Variants in YLPM1 observed in about 807,000 individuals in gnomAD.
YLPM1 encodes the protein YLP motif containing 1.
A neutral mutation model predicts 230.0 loss-of-function variants in YLPM1; 99 were observed. The observed-to-expected ratio is 0.43, with a 90% CI of 0.37 to 0.51. YLPM1 has a LOEUF of 0.51. YLPM1 is among the 20% of genes least tolerant of loss of function. YLPM1 has a pLI of 0.00. For synonymous variants in YLPM1, 984 were observed against 942.5 expected (o/e 1.04, Z -0.81); for missense variants, 2,592 against 2,707.7 (o/e 0.96, Z 0.95).
chr14:74,835,153 A>T, intron 19 of YLPM1, 112 bp from the exon 20 acceptor site: 1 of 1,361,646 alleles, frequency 7.3e-7, no homozygotes, highest in Non-Finnish European at 9.9e-7. Flanking sequence ...TTAATTTTTT[A>T]AACTTGCGGT....
chr14:74,793,117 T>G (rs960316899), intron 4 of YLPM1, among the ~76,000 whole-genome samples: 2 of 152,222 alleles, frequency 1.3e-5, no homozygotes, highest in Non-Finnish European at 1.5e-5. Flanking sequence ...AAAAAATCTC[T>G]GGTATTCTGA....
intron 19 of YLPM1, 142 bp from the exon 20 acceptor site, chr14:74,835,123 C>T: frequency 9.4e-7 from 1 of 1,060,192 alleles, no homozygotes; most frequent in Non-Finnish European, 1.3e-6. Context: ...TGGCTTTTCC[C>T]AGTTTTCCTG....
chr14:74,765,255 A>G (rs978825259), intron 1 of YLPM1, among the ~76,000 whole-genome samples: 1 of 152,214 alleles, frequency 6.6e-6, no homozygotes, highest in Admixed American at 6.5e-5. Flanking sequence ...TGATTTCCTA[A>G]AGTAGACACT....
chr14:74,827,826 G>C (rs2091577545), intron 18 of YLPM1: 1 of 985,188 alleles, frequency 1.0e-6, no homozygotes, highest in African/African-American at 1.7e-5. Flanking sequence ...CAGTCAGGGG[G>C]TCACTTCTTT....
chr14:74,783,582 T>C (rs951674758), intron 4 of YLPM1, among the ~76,000 whole-genome samples: 1 of 152,206 alleles, frequency 6.6e-6, no homozygotes, highest in African/African-American at 2.4e-5. Context: ...TTATAACTTA[T>C]TTTTCCACCA....
rs954412463 is a variant in YLPM1, at chr14:74,809,794, C to T, written c.4936C>T (p.Arg1646Ter). 4 of 1,613,568 alleles carry T rather than the reference C, an allele frequency of 2.5e-6. No homozygotes were observed. The highest frequency in any genetic ancestry group is 1.7e-5 in the Admixed American group (1 of 59,938). ...VQQTVDYGHG[R>*]DISTNKVEQI... ...ACAGACTGTTGATTATGGCCATGGC[C>T]GAGGTGAGTAATGATAGTGCACTTG... The change falls in exon 7 of 21, where the codon CGA becomes TGA. Residue 1646 changes from arginine to a stop codon, truncating the protein, a stop_gained. Coordinates refer to ENST00000325680, the MANE Select transcript of YLPM1 (RefSeq NM_019589.3). LOFTEE classifies it high-confidence loss of function.
In YLPM1 at chr14:74,817,293, A is replaced by G. The variant is rs1477043420; in HGVS notation, c.5946+16A>G. The G allele has an allele frequency of 8.4e-6, 13 of 1,556,812 alleles. No homozygotes were observed. The highest frequency in any genetic ancestry group is 1.2e-5 in the South Asian group (1 of 84,028). On this transcript the variant is annotated intron_variant, in intron 15 of 20. Transcript: ENST00000325680. The stretch of plus-strand genomic sequence containing the variant: ...AATAAATAAGGTGATTTTAAGAAAC[A>G]TAGAATAATAGAGTACTATCATGCG...
chr14:74,776,277 A>T (rs2140081014), intron 1 of YLPM1, among the ~76,000 whole-genome samples: 1 of 152,364 alleles, frequency 6.6e-6, no homozygotes, highest in East Asian at 1.9e-4. Flanking sequence ...TCGGGGAAAT[A>T]CAGGGTTAGG....
Position 74,781,911 on chromosome 14 carries a change from C to A in YLPM1, c.1868C>A (p.Pro623Gln). 6.2e-7 allele frequency: 1 copy of A among 1,613,866 alleles called. No individual in the cohort carries two copies. Among genetic ancestry groups the A allele is most frequent in the Non-Finnish European group, 8.5e-7 (1 of 1,179,850 alleles). Residue 623 changes from proline to glutamine, a missense_variant, in exon 4 of 21, where the codon CCA (proline) becomes CAA (glutamine). By Grantham distance (76) the Pro-to-Gln change is moderately conservative. Transcript: ENST00000325680. ...TAPPPVMPLPPLSSATPPPGI... is the reference protein window; with the variant it reads ...TAPPPVMPLPQLSSATPPPGI... Reference sequence around the variant, plus strand: ...CCTCCACCTGTCATGCCCCTCCCACCATTGTCTTCAGCTACACCTCCTCCA... The same window carrying A: ...CCTCCACCTGTCATGCCCCTCCCACAATTGTCTTCAGCTACACCTCCTCCA...
chr14:74,789,407 G>C (rs2091183108), intron 4 of YLPM1, among the ~76,000 whole-genome samples: 1 of 151,850 alleles, frequency 6.6e-6, no homozygotes. Context: ...AGTACAGATG[G>C]GGTTTCACTG....
rs1316807666 is a variant in YLPM1, at chr14:74,782,126, T to G, written c.2083T>G (p.Ser695Ala). 4 of 1,613,802 alleles carry G rather than the reference T, an allele frequency of 2.5e-6. No homozygotes were observed. The highest frequency in any genetic ancestry group is 3.4e-6 in the Non-Finnish European group (4 of 1,179,834). Residue 695 changes from serine to alanine, a missense_variant, in exon 4 of 21, where the codon TCA becomes GCA. This residue lies in a region of YLPM1 where 1,862 missense variants were observed against 1,819.8 expected (regional missense o/e 1.02). Coordinates refer to ENST00000325680, the MANE Select transcript of YLPM1 (RefSeq NM_019589.3). ...YHPPLQSAGP[S>A]EQVNSKAPLS... ...TCCTCCGTTGCAATCAGCTGGTCCA[T>G]CAGAACAAGTGAATTCAAAAGCTCC...
At chr14:74,772,135 T>C (rs1044753436) in intron 1 of YLPM1, among the ~76,000 whole-genome samples, 1 of 152,080 alleles carries the variant, frequency 6.6e-6, no homozygotes, top group Non-Finnish European at 1.5e-5. Flanking sequence ...GTTCTCCACT[T>C]GGAAAATCAT....
At position 74,778,547 on chromosome 14, in the gene YLPM1, A is replaced by G; in HGVS notation, c.974A>G (p.Asp325Gly). 6.2e-7 allele frequency: 1 copy of G among 1,607,688 alleles called. No individual in the cohort carries two copies. Among genetic ancestry groups the G allele is most frequent in the Non-Finnish European group, 8.5e-7 (1 of 1,177,106 alleles). ...GHKKGPVVAK[D>G]TPEPVKEEVT... ...AAAAAGGGTCCTGTGGTAGCAAAGG[A>G]TACACCAGAGCCGGTAAAAGAAGAA... The change falls in exon 2 of 21, where the codon GAT becomes GGT. Residue 325 changes from aspartate (D) to glycine (G), a missense_variant. By Grantham distance (94) the Asp-to-Gly change is moderately conservative (BLOSUM62 -1). Transcript: ENST00000325680.
At position 74,829,235 on chromosome 14, in the gene YLPM1, T is replaced by C. The variant is rs750508359; in HGVS notation, c.6186T>C (p.Thr2062=). 1.2e-6 allele frequency: 2 copies of C among 1,613,218 alleles called. No homozygotes were observed. The highest frequency in any genetic ancestry group is 3.3e-5 in the Admixed American group (2 of 59,970). ...CAGACAAGTTGGATGGCTTGAGGAC[T>C]GGTACTAAAAGGAAACGTGACTGGG... ...AKLDKLDGLR[T]GTKRKRDWEA... The change falls in exon 19 of 21, where the codon ACT becomes ACC. Residue 2062 remains threonine, a synonymous_variant. Coordinates refer to ENST00000325680, the MANE Select transcript of YLPM1 (RefSeq NM_019589.3).
intron 6 of YLPM1, among the ~76,000 whole-genome samples, chr14:74,808,133 C>T (rs2091396900): frequency 6.6e-6 from 1 of 152,216 alleles, no homozygotes. Context: ...AAGATCACTG[C>T]ACCAGTTTAC....
At chr14:74,796,983 T>G (rs2091268255) in intron 4 of YLPM1, among the ~76,000 whole-genome samples, 2 of 139,116 alleles carry the variant, frequency 1.4e-5, no homozygotes, top group South Asian at 4.8e-4. Context: ...TTTTTTTTTT[T>G]TTTTTGAGAC....
rs2091082354 is a variant in YLPM1 at position 74,780,507 on chromosome 14, A to G, written c.1213A>G (p.Ile405Val). The G allele has an allele frequency of 1.9e-6, 3 of 1,614,028 alleles. No homozygotes were observed. The highest frequency in any genetic ancestry group is 2.5e-6 in the Non-Finnish European group (3 of 1,179,898). Residue 405 changes from isoleucine (I) to valine (V), a missense_variant, in exon 3 of 21, where the codon ATA (isoleucine) becomes GTA (valine). Ile to Val is a conservative substitution (Grantham distance 29, BLOSUM62 3). Around this residue, in one of 4 missense-constraint regions of YLPM1, gnomAD observed 1,862 missense variants for 1,819.8 expected, o/e 1.02. Transcript: ENST00000325680. ...QHRVGFQYQG[I>V]MQKHTQLQQI... The stretch of plus-strand genomic sequence containing the variant: ...TCGAGTCGGTTTCCAGTATCAGGGA[A>G]TAATGCAGAAGCACACTCAGTTACA...
chr14:74,826,699 G>A lies in YLPM1; in HGVS notation c.6163+2392G>A, dbSNP rs191265213. Among the ~76,000 whole-genome samples the A allele has an allele frequency of 2.0e-5, 3 of 152,280 alleles. No homozygotes were observed. In the East Asian group the frequency reaches 5.8e-4, roughly 29 times the overall value. On this transcript the variant is annotated intron_variant, in intron 18 of 20. Coordinates refer to ENST00000325680, the MANE Select transcript of YLPM1 (RefSeq NM_019589.3). ...TGATTTTTAGAACAGTTCAGAACAG[G>A]CCTGAGCTACCTCTGGCATGGAGTT...
At chr14:74,783,846 A>G (rs1328609756) in intron 4 of YLPM1, among the ~76,000 whole-genome samples, 2 of 152,216 alleles carry the variant, frequency 1.3e-5, no homozygotes, top group Non-Finnish European at 2.9e-5. Context: ...TCTTCTCAAC[A>G]ACCTGTGAAG....
Sources: gnomAD v4.1 joint callset for allele counts (sites outside exome capture counted in the v4.1 genomes callset) on GRCh38, gnomAD v4.1.1 for gene constraint, gnomAD v4.1.1 regional missense constraint, MANE v1.5 for transcripts, NCBI Gene and HGNC (gene_info 2026-07-23, HGNC 2026-07-21) for gene names.